The following CFAP61 variants were observed in gnomAD, a reference collection of about 807,000 sequenced individuals.
CFAP61 encodes the protein cilia- and flagella-associated protein 61.
CFAP61 carries 107 observed loss-of-function variants against 135.6 expected under a neutral mutation model. The ratio of observed to expected loss-of-function variants is 0.79; its 90% CI spans 0.67 to 0.93. The LOEUF is 0.93. Ranked by LOEUF, CFAP61 falls within the 40% of genes least tolerant of loss-of-function variation. The pLI is 0.00. For missense variants in CFAP61, 1,507 were observed against 1,556.2 expected (o/e 0.97, Z 0.53); for synonymous variants, 575 against 578.5 (o/e 0.99, Z 0.09).
intron 18 of CFAP61, among the ~76,000 whole-genome samples, chr20:20,235,169 C>T (rs886723575): frequency 6.6e-6 from 1 of 152,112 alleles, no homozygotes; most frequent in Admixed American, 6.5e-5. Context: ...CTGGAGTCTG[C>T]AGAACATCCT....
At position 20,098,783 on chromosome 20, in the gene CFAP61, A is replaced by G. The variant is rs1385423812; in HGVS notation, c.828A>G (p.Ser276=). 6.2e-7 allele frequency: 1 copy of G among 1,613,576 alleles called. No individual in the cohort carries two copies. The highest frequency in any genetic ancestry group is 1.3e-5 in the African/African-American group (1 of 74,958). The change falls in exon 8 of 27, where the codon TCA becomes TCG. Residue 276 remains serine (S), a synonymous_variant. Transcript: ENST00000245957. ...CACATCCTGATGACGTTCTGGAATCACCACAAGACCTAAGTGTCCGAAGAA... is the reference window on the plus strand; with the variant it reads ...CACATCCTGATGACGTTCTGGAATCGCCACAAGACCTAAGTGTCCGAAGAA... ...CFPHPDDVLE[S]PQDLSVRRSQ... is the part of the protein sequence containing the mutation.
chr20:20,182,256 T>A (rs1471551762), intron 13 of CFAP61, among the ~76,000 whole-genome samples: 1 of 152,164 alleles, frequency 6.6e-6, no homozygotes, highest in Non-Finnish European at 1.5e-5. Context: ...TAATATATAT[T>A]TTTAGATCCA....
intron 24 of CFAP61, among the ~76,000 whole-genome samples, chr20:20,295,132 G>A (rs2055321010): frequency 6.6e-6 from 1 of 152,044 alleles, no homozygotes; most frequent in Non-Finnish European, 1.5e-5. Context: ...GACTTGACAA[G>A]TCACCACCAA....
chr20:20,288,952 T>C lies in CFAP61; in HGVS notation c.3124+16T>C, dbSNP rs746943453. ...AAGATTCAAGGTATACGAGTAGGCT[T>C]CCTTCTCCTTGATGAAGCCACAGAT... On this transcript the variant is annotated intron_variant, in intron 23 of 26. Transcript: ENST00000245957. 2 of 1,587,722 alleles carry C rather than the reference T, an allele frequency of 1.3e-6. No individual in the cohort carries two copies. Among genetic ancestry groups the C allele is most frequent in the Admixed American group, 1.7e-5 (1 of 59,158 alleles).
chr20:20,171,656 A>G (rs530501663), intron 13 of CFAP61: 8 of 439,108 alleles, frequency 1.8e-5, no homozygotes, highest in South Asian at 1.6e-4. Flanking sequence ...ATTCTTGACC[A>G]TAATTTATTA....
At chr20:20,233,151 G>A (rs533449779) in intron 18 of CFAP61, among the ~76,000 whole-genome samples, 1 of 152,330 alleles carries the variant, frequency 6.6e-6, no homozygotes, top group South Asian at 2.1e-4. Flanking sequence ...ACAATATCCG[G>A]CACAGCTGTG....
chr20:20,140,396 A>T (rs1211800953), intron 8 of CFAP61, among the ~76,000 whole-genome samples: 2 of 113,940 alleles, frequency 1.8e-5, no homozygotes, highest in African/African-American at 3.6e-5. Context: ...TCCTGTGTCC[A>T]TGTGTTCTCA....
intron 9 of CFAP61, 52 bp downstream of exon 9, chr20:20,143,000 T>A: frequency 9.2e-7 from 1 of 1,083,616 alleles, no homozygotes; most frequent in East Asian, 2.6e-5. Flanking sequence ...GCCTGGGGGC[T>A]ACCTGTGACA....
chr20:20,152,483 T>C (rs747511157), intron 9 of CFAP61, among the ~76,000 whole-genome samples: 1 of 152,200 alleles, frequency 6.6e-6, no homozygotes, highest in Non-Finnish European at 1.5e-5. Context: ...GAGACTCACC[T>C]AATGCATAAG....
At chr20:20,059,352 A>AAAAG (rs2044626971) in intron 2 of CFAP61, among the ~76,000 whole-genome samples, 2 of 144,416 alleles carry the variant, frequency 1.4e-5, no homozygotes, top group East Asian at 4.2e-4. Flanking sequence ...AAAAAAAAAA[A>AAAAG]GGATTAAAGA....
intron 25 of CFAP61, among the ~76,000 whole-genome samples, chr20:20,330,683 G>T (rs969833012): frequency 2.0e-5 from 3 of 152,138 alleles, no homozygotes; most frequent in African/African-American, 7.2e-5. Context: ...GGTGGCTCAT[G>T]GCTCCTGGAC....
chr20:20,331,317 A>G (rs1286754537), intron 25 of CFAP61, among the ~76,000 whole-genome samples: 1 of 152,050 alleles, frequency 6.6e-6, no homozygotes, highest in Non-Finnish European at 1.5e-5. Context: ...GGAATATGTT[A>G]GTTAAATTTT....
intron 25 of CFAP61, among the ~76,000 whole-genome samples, chr20:20,301,883 C>T (rs1372005880): frequency 6.6e-6 from 1 of 152,014 alleles, no homozygotes; most frequent in African/African-American, 2.4e-5. Context: ...GTATTTTTGT[C>T]CTTTCATTCT....
intron 13 of CFAP61, among the ~76,000 whole-genome samples, chr20:20,179,278 A>G (rs1045257459): frequency 6.6e-6 from 1 of 152,178 alleles, no homozygotes; most frequent in African/African-American, 2.4e-5. Flanking sequence ...CCCATTCACA[A>G]TTGCCACAAA....
chr20:20,329,785 G>A (rs919991765), intron 25 of CFAP61, among the ~76,000 whole-genome samples: 12 of 152,176 alleles, frequency 7.9e-5, no homozygotes, highest in East Asian at 1.9e-4. Flanking sequence ...ACGCTTTCCC[G>A]GGCCTGGTTT....
rs2049062645 is a variant in CFAP61, at chr20:20,230,644, C to T, written c.2060+2268C>T. Among the ~76,000 whole-genome samples, 3 of 152,090 alleles carry T rather than the reference C, an allele frequency of 2.0e-5. No individual in the cohort carries two copies. The South Asian group carries it at 6.2e-4, about 32-fold the overall frequency. On this transcript the variant is annotated intron_variant, in intron 18 of 26. Transcript: ENST00000245957. The stretch of plus-strand genomic sequence containing the variant: ...CTCGGTTCACTACAACCTCCGCCTC[C>T]CCCCAGGTTCAAGCGATTCTCTTGC...
intron 26 of CFAP61, among the ~76,000 whole-genome samples, chr20:20,356,712 AGGT>A (rs367563132): frequency 0.069 from 254 of 3,662 alleles, 64 homozygotes; most frequent in East Asian, 0.65. Context: ...CACACTGGGG[AGGT>A]GGTCACACTG....
chr20:20,158,351 A>G (rs967610041), intron 9 of CFAP61, among the ~76,000 whole-genome samples: 165 of 3,996 alleles, frequency 0.041, 2 homozygotes, highest in Non-Finnish European at 0.16. Context: ...GGACCTTTGA[A>G]AAAAAAAAAA....
intron 21 of CFAP61, among the ~76,000 whole-genome samples, chr20:20,268,978 G>A (rs892210512): frequency 1.3e-5 from 2 of 151,680 alleles, no homozygotes; most frequent in African/African-American, 4.8e-5. Context: ...TCGAACAGAG[G>A]CTTTGTTATG....
Sources: gnomAD v4.1 joint callset for allele counts (sites outside exome capture counted in the v4.1 genomes callset) on GRCh38, gnomAD v4.1.1 for gene constraint, MANE v1.5 for transcripts, NCBI Gene and HGNC (gene_info 2026-07-23, HGNC 2026-07-21) for gene names.